DAB1: variants seen among roughly 807,000 people sequenced by gnomAD.
DAB1 encodes the protein disabled homolog 1.
Under a neutral mutation model 64.6 loss-of-function variants are expected in DAB1, and 15 were observed. The ratio of observed to expected loss-of-function variants is 0.23; its 90% CI spans 0.16 to 0.36. The LOEUF (loss-of-function observed/expected upper bound fraction) is 0.36, where lower values mean the gene tolerates loss of function less well. Among genes scored for constraint, DAB1 ranks in the 10% least tolerant of loss-of-function variants. The probability of loss-of-function intolerance (pLI) is 1.00; values close to 1 mark genes in which losing one functional copy is unlikely to be tolerated. For missense variants in DAB1, 596 were observed against 706.7 expected (o/e 0.84, Z 1.78); for synonymous variants, 235 against 251.9 (o/e 0.93, Z 0.64).
chr1:57,071,136 T>C, intron 6 of DAB1, 75 bp from the exon 7 acceptor site: 1 of 1,392,542 alleles, frequency 7.2e-7, no homozygotes, highest in Non-Finnish European at 1.0e-6. Flanking sequence ...CATTCAGAAA[T>C]TACAGGACAG....
chr1:58,326,833 C>T (rs555367137), intron 4 of DAB1, among the ~76,000 whole-genome samples: 3 of 152,208 alleles, frequency 2.0e-5, no homozygotes, highest in Non-Finnish European at 4.4e-5. Flanking sequence ...CTTCCAAACC[C>T]CTCAGCCCCT....
chr1:57,283,539 A>G (rs1352342314), intron 2 of DAB1, among the ~76,000 whole-genome samples: 1 of 152,200 alleles, frequency 6.6e-6, no homozygotes, highest in Non-Finnish European at 1.5e-5. Context: ...CAACACTCTA[A>G]GATACGAACT....
chr1:58,490,816 TTTTTTTTTTG>T (rs1314698265), intron 3 of DAB1, among the ~76,000 whole-genome samples: 1 of 133,804 alleles, frequency 7.5e-6, no homozygotes, highest in Non-Finnish European at 1.6e-5. Context: ...TTTTTTTTTT[TTTTTTTTTTG>T]AGACGGACTC....
chr1:57,571,248 G>A (rs547265565), intron 7 of DAB1, among the ~76,000 whole-genome samples: 101 of 152,232 alleles, frequency 6.6e-4, no homozygotes, highest in African/African-American at 2.4e-3. Context: ...ACGTTGAATA[G>A]AAGTGGTGAA....
intron 7 of DAB1, among the ~76,000 whole-genome samples, chr1:57,584,896 T>C (rs986430309): frequency 6.6e-6 from 1 of 152,190 alleles, no homozygotes; most frequent in Non-Finnish European, 1.5e-5. Flanking sequence ...CCATCACATT[T>C]CCTCATCTAC....
At chr1:57,083,361 T>C (rs1005344699) in intron 4 of DAB1, among the ~76,000 whole-genome samples, 2 of 152,238 alleles carry the variant, frequency 1.3e-5, no homozygotes, top group Non-Finnish European at 1.5e-5. Flanking sequence ...AATCCTTATT[T>C]TTATTTCTGT....
intron 1 of DAB1, among the ~76,000 whole-genome samples, chr1:57,422,512 G>T (rs1369144372): frequency 5.3e-5 from 8 of 152,244 alleles, no homozygotes; most frequent in Non-Finnish European, 1.5e-5. Flanking sequence ...CGACCCACGC[G>T]GGCGCGCACC....
chr1:57,581,765 T>A (rs553913874), intron 7 of DAB1, among the ~76,000 whole-genome samples: 313 of 150,558 alleles, frequency 2.1e-3, no homozygotes, highest in Non-Finnish European at 2.8e-3. Flanking sequence ...ATTATGTATT[T>A]TCAGGTTATT....
chr1:58,417,609 C>G (rs1644733258), intron 3 of DAB1, among the ~76,000 whole-genome samples: 1 of 152,222 alleles, frequency 6.6e-6, no homozygotes, highest in Admixed American at 6.5e-5. Context: ...TTTTGCCAGT[C>G]TATAGGTTGC....
chr1:58,010,447 C>T (rs576473482), intron 5 of DAB1, among the ~76,000 whole-genome samples: 41 of 152,304 alleles, frequency 2.7e-4, no homozygotes, highest in Middle Eastern at 3.4e-3. Flanking sequence ...GAAGAACACA[C>T]ACATAAAAGC....
chr1:58,391,475 G>A (rs1489570845), intron 3 of DAB1, among the ~76,000 whole-genome samples: 1 of 152,214 alleles, frequency 6.6e-6, no homozygotes, highest in Non-Finnish European at 1.5e-5. Context: ...ACTTATCCAA[G>A]GCCATGGAGC....
At chr1:57,760,404 T>C (rs1056151919) in intron 6 of DAB1, among the ~76,000 whole-genome samples, 4 of 152,150 alleles carry the variant, frequency 2.6e-5, no homozygotes, top group Non-Finnish European at 5.9e-5. Context: ...TTTTTACTAC[T>C]ATCATTTTTG....
chr1:58,018,139 A>G (rs1388007821), intron 5 of DAB1, among the ~76,000 whole-genome samples: 1 of 152,002 alleles, frequency 6.6e-6, no homozygotes, highest in Non-Finnish European at 1.5e-5. Context: ...ACACCAAGGC[A>G]ACACTCACGT....
At chr1:58,371,348 C>T (rs913884722) in intron 3 of DAB1, among the ~76,000 whole-genome samples, 8 of 152,146 alleles carry the variant, frequency 5.3e-5, no homozygotes, top group Non-Finnish European at 8.8e-5. Context: ...GACTGAATTT[C>T]TAAGCAGCAA....
At position 57,804,358 on chromosome 1, in the gene DAB1, G is replaced by C. The variant is rs549606354; in HGVS notation, n.551+79641C>G. ...CCAATCACTTCTGGGAACCACAAGGGGTGACTTGAAGGACTCCCTTTGGAG... is the reference window on the plus strand; with the variant it reads ...CCAATCACTTCTGGGAACCACAAGGCGTGACTTGAAGGACTCCCTTTGGAG... On this transcript the variant is annotated intron_variant and non_coding_transcript_variant, in intron 6 of 20. Transcript: ENST00000485760. Among the ~76,000 whole-genome samples the C allele has an allele frequency of 4.6e-5, 7 of 152,202 alleles. 1 individual carries two copies. The South Asian group carries it at 1.5e-3, about 32-fold the overall frequency.
At chr1:58,129,340 TTC>T (rs1218470141) in intron 5 of DAB1, among the ~76,000 whole-genome samples, 2 of 148,964 alleles carry the variant, frequency 1.3e-5, no homozygotes, top group Admixed American at 6.7e-5. Flanking sequence ...TATTTGATTC[TTC>T]TCTCTTTTTT....
chr1:57,286,941 A>G (rs1672363487), intron 2 of DAB1, among the ~76,000 whole-genome samples: 2 of 152,244 alleles, frequency 1.3e-5, no homozygotes, highest in Non-Finnish European at 1.5e-5. Flanking sequence ...AGTATAAATT[A>G]TAAGAGGAAA....
intron 3 of DAB1, among the ~76,000 whole-genome samples, chr1:58,383,138 C>T (rs188376073): frequency 1.1e-3 from 157 of 137,068 alleles, no homozygotes; most frequent in Non-Finnish European, 2.2e-3. Context: ...ATTCATGGAC[C>T]TTTTCTCAAT....
chr1:58,342,168 G>C (rs967967965), intron 4 of DAB1, among the ~76,000 whole-genome samples: 1 of 152,150 alleles, frequency 6.6e-6, no homozygotes, highest in Non-Finnish European at 1.5e-5. Context: ...CCACTGTTTT[G>C]GAATGTCTAG....
Sources: gnomAD v4.1 joint callset for allele counts (sites outside exome capture counted in the v4.1 genomes callset) on GRCh38, gnomAD v4.1.1 for gene constraint, MANE v1.5 for transcripts, NCBI Gene and HGNC (gene_info 2026-07-23, HGNC 2026-07-21) for gene names.